CRNKL1: variants seen among roughly 807,000 people sequenced by gnomAD.
CRNKL1 encodes crooked neck pre-mRNA splicing factor 1.
A neutral mutation model predicts 103.7 loss-of-function variants in CRNKL1; 35 were observed. That is an observed-to-expected ratio of 0.34 (90% CI 0.26 to 0.45). The LOEUF (loss-of-function observed/expected upper bound fraction) is 0.45. Ranked by LOEUF, CRNKL1 falls within the 20% of genes least tolerant of loss-of-function variation. The pLI, the probability that CRNKL1 is intolerant of heterozygous loss-of-function variation, is 1.00. For synonymous variants in CRNKL1, 267 were observed against 282.6 expected (o/e 0.94, Z 0.55); for missense variants, 645 against 836.0 (o/e 0.77, Z 2.82).
At chr20:20,042,570 C>T in intron 7 of CRNKL1, 54 bp from the exon 8 acceptor site, 1 of 1,517,122 alleles carries the variant, frequency 6.6e-7, no homozygotes, top group Non-Finnish European at 8.9e-7. Flanking sequence ...GCTGCACTTG[C>T]CAGGTTAAGC....
Position 20,043,630 on chromosome 20 carries a change from G to C in CRNKL1, c.834C>G (p.Ala278=). 6.2e-7 allele frequency: 1 copy of C among 1,613,794 alleles called. No individual in the cohort carries two copies. Among genetic ancestry groups the C allele is most frequent in the Non-Finnish European group, 8.5e-7 (1 of 1,179,894 alleles). ...FERVRVIYKY[A]LDRISKQDAQ... ...CATCTTGTTTTGAAATTCTGTCCAG[G>C]GCATACTTGTAAATCACTCGTACCC... Residue 278 remains alanine (A), a synonymous_variant, in exon 7 of 14, where the codon GCC becomes GCG. Coordinates refer to ENST00000536226, the MANE Select transcript of CRNKL1 (RefSeq NM_001278628.2).
upstream of CRNKL1, among the ~76,000 whole-genome samples, chr20:20,054,427 AC>A (rs2044116297): frequency 6.6e-6 from 1 of 151,728 alleles, no homozygotes; most frequent in East Asian, 1.9e-4. Context: ...ACACACACAT[AC>A]ATACACATAT....
rs752173964 is a variant in CRNKL1, at chr20:20,050,459, CACTG to C, written c.204+7_204+10del. On this transcript the variant is annotated splice_region_variant and intron_variant, in intron 2 of 13. Coordinates refer to ENST00000536226, the MANE Select transcript of CRNKL1 (RefSeq NM_001278628.2). ...ACAATTAGTGGACTGAAAGATACCACACTGACTGACCTTCCTTTTCCTTAGTTTA... is the reference window on the plus strand; with the variant it reads ...ACAATTAGTGGACTGAAAGATACCACACTGACCTTCCTTTTCCTTAGTTTA... 1.2e-5 allele frequency: 19 copies of C among 1,610,940 alleles called. No homozygotes were observed.
chr20:20,036,169 C>T lies in CRNKL1; in HGVS notation c.*26G>A. On this transcript the variant is annotated 3_prime_UTR_variant, in exon 14 of 14. Transcript: ENST00000536226. ...CCAAACAATTAATTTATAAAAATAA[C>T]AAAACATTTGTCTATGAAAAAAAGA... 6.3e-7 allele frequency: 1 copy of T among 1,599,814 alleles called. No homozygotes were observed. Among genetic ancestry groups the T allele is most frequent in the East Asian group, 2.2e-5 (1 of 44,692 alleles).
At position 20,037,364 on chromosome 20, in the gene CRNKL1, C is replaced by T; in HGVS notation, c.1855G>A (p.Glu619Lys). 6.2e-7 allele frequency: 1 copy of T among 1,614,154 alleles called. No individual in the cohort carries two copies. The change falls in exon 13 of 14, where the codon GAG (glutamate) becomes AAG (lysine). Residue 619 changes from glutamate (E) to lysine (K), a missense_variant. Physicochemically the swap from Glu to Lys is moderately conservative, Grantham distance 56. This residue lies in a region of CRNKL1 where 582 missense variants were observed against 707.7 expected (regional missense o/e 0.82). Coordinates refer to ENST00000536226, the MANE Select transcript of CRNKL1 (RefSeq NM_001278628.2). ...ACCTTTCTTCTCTTCTTGACTTTCTCTGGCATGAGTTTGTCTACTCTCTCC... is the reference window on the plus strand; with the variant it reads ...ACCTTTCTTCTCTTCTTGACTTTCTTTGGCATGAGTTTGTCTACTCTCTCC... The part of the protein sequence containing the change: ...DKERVDKLMP[E>K]KVKKRRKVQT...
intron 12 of CRNKL1, among the ~76,000 whole-genome samples, chr20:20,038,123 G>A (rs2146482585): frequency 6.7e-6 from 1 of 149,318 alleles, no homozygotes; most frequent in Middle Eastern, 3.4e-3. Context: ...TTTCAATCTT[G>A]TGATACCCAA....
rs2146474808 is a variant in CRNKL1 at position 20,034,438 on chromosome 20, C to T, written c.*1757G>A. The stretch of plus-strand genomic sequence containing the variant: ...TGGGAGAGAAATGAATCTTTATGTT[C>T]TCCTGTTAGAGAATAGCTTTTTTCC... On this transcript the variant is annotated 3_prime_UTR_variant, in exon 14 of 14. Transcript: ENST00000536226. 6.6e-6 allele frequency: 1 copy of T among 152,270 alleles called. No homozygotes were observed. The allele number at this position is 152,270 out of a possible 1,614,324, so 9.4% of individuals were successfully genotyped here.
At chr20:20,049,766 A>C (rs2146503781) in intron 2 of CRNKL1, among the ~76,000 whole-genome samples, 1 of 152,170 alleles carries the variant, frequency 6.6e-6, no homozygotes, top group South Asian at 2.1e-4. Context: ...CAGATCCCAA[A>C]GTCTTCTCAT....
At chr20:20,038,714 C>G in intron 11 of CRNKL1, 1 of 311,762 alleles carries the variant, frequency 3.2e-6, no homozygotes, top group East Asian at 6.6e-5. Context: ...CTTGACTTAT[C>G]AAGAGCTGAG....
At position 20,036,363 on chromosome 20, in the gene CRNKL1, C is replaced by T; in HGVS notation, c.1897-1G>A. ...AGTATTCTTCCCAGCCTGCATCAGA[C>T]TACAGAAATAAAAAATGAAAAGATA... On this transcript the variant is annotated splice_acceptor_variant, in intron 13 of 13. Coordinates refer to ENST00000536226, the MANE Select transcript of CRNKL1 (RefSeq NM_001278628.2). LOFTEE classifies it high-confidence loss of function. 6.2e-7 allele frequency: 1 copy of T among 1,613,890 alleles called. No individual in the cohort carries two copies. The highest frequency in any genetic ancestry group is 8.5e-7 in the Non-Finnish European group (1 of 1,179,922).
upstream of CRNKL1, among the ~76,000 whole-genome samples, chr20:20,053,683 C>T (rs2043965056): frequency 6.6e-6 from 1 of 152,158 alleles, no homozygotes; most frequent in Admixed American, 6.5e-5. Flanking sequence ...TAACCAACAT[C>T]AATGTATTTG....
chr20:20,042,344 T>C lies in CRNKL1; in HGVS notation c.1145A>G (p.Tyr382Cys), dbSNP rs879237822. Residue 382 changes from tyrosine to cysteine, a missense_variant, in exon 8 of 14, where the codon TAT becomes TGT. Around this residue, in one of 2 missense-constraint regions of CRNKL1, gnomAD observed 582 missense variants for 707.7 expected, o/e 0.82. Coordinates refer to ENST00000536226, the MANE Select transcript of CRNKL1 (RefSeq NM_001278628.2). Reference sequence around the variant, plus strand: ...TTTCACCTTTGCCTCCAATTCTTCATAGAGTGCATAGTTGATCCAAAGATA... The same window carrying C: ...TTTCACCTTTGCCTCCAATTCTTCACAGAGTGCATAGTTGATCCAAAGATA... ...YIYLWINYAL[Y>C]EELEAKDPER... 6.3e-7 allele frequency: 1 copy of C among 1,595,472 alleles called. No individual in the cohort carries two copies. Among genetic ancestry groups the C allele is most frequent in the South Asian group, 1.1e-5 (1 of 87,146 alleles).
chr20:20,049,841 A>T (rs1294195583), intron 2 of CRNKL1, among the ~76,000 whole-genome samples: 1 of 150,438 alleles, frequency 6.6e-6, no homozygotes, highest in Admixed American at 6.6e-5. Context: ...TTTTTGAGAC[A>T]AAGTCTTGCT....
In CRNKL1 at chr20:20,037,566, C is replaced by G. The variant is rs368436051; in HGVS notation, c.1653G>C (p.Trp551Cys). Residue 551 changes from tryptophan to cysteine, a missense_variant, in exon 13 of 14, where the codon TGG (tryptophan) becomes TGC (cysteine). Trp to Cys is a radical substitution (Grantham distance 215, BLOSUM62 -2). Around this residue, in one of 2 missense-constraint regions of CRNKL1, gnomAD observed 582 missense variants for 707.7 expected, o/e 0.82. Coordinates refer to ENST00000536226, the MANE Select transcript of CRNKL1 (RefSeq NM_001278628.2). The part of the protein sequence containing the change: ...LLQRTQHVKV[W>C]ISFAQFELSS... Reference sequence around the variant, plus strand: ...ACAACTCAAACTGAGCAAAGCTGATCCATACCTTTAAAAAAAGTTATTATT... The same window carrying G: ...ACAACTCAAACTGAGCAAAGCTGATGCATACCTTTAAAAAAAGTTATTATT... The G allele has an allele frequency of 6.2e-5, 100 of 1,610,674 alleles. No homozygotes were observed. Among genetic ancestry groups the G allele is most frequent in the Non-Finnish European group, 7.7e-5 (91 of 1,179,094 alleles).
At chr20:20,047,669 T>C in intron 5 of CRNKL1, 96 bp downstream of exon 5, 1 of 1,205,072 alleles carries the variant, frequency 8.3e-7, no homozygotes, top group Non-Finnish European at 1.1e-6. Context: ...AGCCTGACAT[T>C]AATGACTGTG....
intron 6 of CRNKL1, 49 bp from the exon 7 acceptor site, chr20:20,043,711 C>A (rs766359546): frequency 6.5e-7 from 1 of 1,540,648 alleles, no homozygotes; most frequent in Non-Finnish European, 8.9e-7. Context: ...ATTCTCATGC[C>A]AGTCACAACT....
intron 12 of CRNKL1, 102 bp downstream of exon 12, chr20:20,038,247 A>C (rs1007745490): frequency 2.0e-5 from 14 of 705,588 alleles, no homozygotes; most frequent in Middle Eastern, 4.9e-4. Context: ...TTAAAAAAAA[A>C]AAAAAAACAA....
intron 5 of CRNKL1, among the ~76,000 whole-genome samples, chr20:20,045,853 A>C (rs1366531723): frequency 6.6e-6 from 1 of 152,188 alleles, no homozygotes; most frequent in Non-Finnish European, 1.5e-5. Context: ...TGCCAGCCTC[A>C]CTGGATTACT....
intron 5 of CRNKL1, 39 bp downstream of exon 5, chr20:20,047,726 G>C: frequency 6.3e-7 from 1 of 1,591,058 alleles, no homozygotes; most frequent in Non-Finnish European, 8.6e-7. Flanking sequence ...CAGCATCCAG[G>C]ACAATCATGG....
Sources: gnomAD v4.1 joint callset for allele counts (sites outside exome capture counted in the v4.1 genomes callset) on GRCh38, gnomAD v4.1.1 for gene constraint, gnomAD v4.1.1 regional missense constraint, MANE v1.5 for transcripts, NCBI Gene and HGNC (gene_info 2026-07-23, HGNC 2026-07-21) for gene names.